TBC1D7: variants seen among roughly 807,000 people sequenced by gnomAD.
TBC1D7 encodes the protein TBC1 domain family member 7, also known as TBC domain family 7.
TBC1D7 carries 33 observed loss-of-function variants against 35.3 expected under a neutral mutation model. That is an observed-to-expected ratio of 0.93 (90% CI 0.71 to 1.25). TBC1D7 has a LOEUF of 1.25. Ranked by LOEUF, TBC1D7 falls within the 50% of genes most tolerant of loss-of-function variation. The probability of loss-of-function intolerance (pLI) is 0.00; values close to 1 mark genes in which losing one functional copy is unlikely to be tolerated. For synonymous variants in TBC1D7, 135 were observed against 129.5 expected, an observed-to-expected ratio of 1.04 and a Z score of -0.29; for missense variants, 362 against 365.3, an observed-to-expected ratio of 0.99 and a Z score of 0.07.
chr6:13,310,375 C>T (rs1026717483), intron 5 of TBC1D7, among the ~76,000 whole-genome samples: 3 of 151,850 alleles, frequency 2.0e-5, no homozygotes, highest in South Asian at 2.1e-4. Context: ...TGGTGGCTCA[C>T]GCCTGTAATC....
chr6:13,310,890 T>C (rs1406105523), intron 5 of TBC1D7, among the ~76,000 whole-genome samples: 1 of 152,154 alleles, frequency 6.6e-6, no homozygotes, highest in East Asian at 1.9e-4. Flanking sequence ...GCCTGACCTT[T>C]TTCATACTTA....
intron 7 of TBC1D7, chr6:13,305,592 C>A: frequency 4.8e-6 from 1 of 208,400 alleles, no homozygotes; most frequent in Non-Finnish European, 9.9e-6. Context: ...TTATTCAACG[C>A]ATATTGACTC....
rs145220135 is a variant in TBC1D7, at chr6:13,324,811, C to T, written c.193+283G>A. Reference sequence around the variant, plus strand: ...CAAAAAATGAGTCCCAGAGGGGTCGCCTTCCTCCAGGTTACCCAGCTGATA... The same window carrying T: ...CAAAAAATGAGTCCCAGAGGGGTCGTCTTCCTCCAGGTTACCCAGCTGATA... On this transcript the variant is annotated intron_variant, in intron 3 of 7. Transcript: ENST00000379300. Among the ~76,000 whole-genome samples the T allele has an allele frequency of 2.0e-3, 300 of 152,296 alleles. 1 individual carries two copies. Among genetic ancestry groups the T allele is most frequent in the Admixed American group, 4.4e-3 (68 of 15,304 alleles).
intron 4 of TBC1D7, chr6:13,320,497 CA>C (rs1331709481): frequency 2.1e-6 from 1 of 473,256 alleles, no homozygotes; most frequent in Non-Finnish European, 3.7e-6. Context: ...TTTAAAACAA[CA>C]AAGCAAAACA....
At position 13,325,224 on chromosome 6, in the gene TBC1D7, T is replaced by C. The variant is rs200130512; in HGVS notation, c.113-50A>G. On this transcript the variant is annotated intron_variant, in intron 2 of 7. Coordinates refer to ENST00000379300, the MANE Select transcript of TBC1D7 (RefSeq NM_016495.6). ...TAGAAGCTTTTCATGCTGATCACAG[T>C]ATGTCAAGGCACATTTCATTTTTTA... 52 of 1,307,442 alleles carry C rather than the reference T, an allele frequency of 4.0e-5. No individual in the cohort carries two copies. In the East Asian group the frequency reaches 9.2e-4, roughly 23 times the overall value. 81.0% of individuals were successfully genotyped at this position (1,307,442 alleles called of 1,614,324 possible).
intron 3 of TBC1D7, 85 bp from the exon 4 acceptor site, chr6:13,321,180 G>A: frequency 5.2e-6 from 6 of 1,160,558 alleles, no homozygotes; most frequent in Non-Finnish European, 3.7e-6. Flanking sequence ...GATGCCGTGA[G>A]AAGCGACCCA....
intron 3 of TBC1D7, among the ~76,000 whole-genome samples, chr6:13,323,215 T>C (rs1020389590): frequency 2.0e-5 from 3 of 151,938 alleles, no homozygotes; most frequent in African/African-American, 4.8e-5. Context: ...TAGCCGGGCG[T>C]GGGGGTGCGC....
chr6:13,310,477 A>C (rs1028718286), intron 5 of TBC1D7, among the ~76,000 whole-genome samples: 5 of 151,370 alleles, frequency 3.3e-5, no homozygotes, highest in African/African-American at 1.2e-4. Context: ...ATCTCTACTA[A>C]AAATACAAAA....
chr6:13,307,652 G>C lies in TBC1D7; in HGVS notation c.613C>G (p.Leu205Val), dbSNP rs769838434. ...CCCGCAAAGCACCTCTTGAACCAGAGATCATAAGGAAGTTTGGGCGCCGCG... is the reference window on the plus strand; with the variant it reads ...CCCGCAAAGCACCTCTTGAACCAGACATCATAAGGAAGTTTGGGCGCCGCG... Reference protein sequence around the residue: ...CSAAPKLPYDLWFKRCFAGCL... With the variant: ...CSAAPKLPYDVWFKRCFAGCL... The change falls in exon 6 of 8, where the codon CTC (leucine) becomes GTC (valine). Residue 205 changes from leucine (L) to valine (V), a missense_variant. Leu to Val is a conservative substitution (Grantham distance 32). Coordinates refer to ENST00000379300, the MANE Select transcript of TBC1D7 (RefSeq NM_016495.6). 2.9e-5 allele frequency: 47 copies of C among 1,614,026 alleles called. No individual in the cohort carries two copies. The highest frequency in any genetic ancestry group is 4.0e-5 in the Non-Finnish European group (47 of 1,180,026).
chr6:13,310,637 C>CAAAAA lies in TBC1D7; in HGVS notation c.520-2897_520-2893dup, dbSNP rs546122443. 5.1e-4 allele frequency among the ~76,000 whole-genome samples: 37 copies of CAAAAA among 72,994 alleles called. 1 individual carries two copies. Among genetic ancestry groups the CAAAAA allele is most frequent in the Middle Eastern group, 8.8e-3 (1 of 114 alleles). The allele number at this position is 72,994 out of a possible 152,430, so 47.9% of individuals were successfully genotyped here. A position where few individuals can be genotyped will look rare whatever the true frequency, so the allele number is the denominator to read the frequency against. On this transcript the variant is annotated intron_variant, in intron 5 of 7. Coordinates refer to ENST00000379300, the MANE Select transcript of TBC1D7 (RefSeq NM_016495.6). ...TGGGTGACAGAGCGAGACTCCGTCT[C>CAAAAA]AAAAAAAAAAAAAAAAGAATATTGT...
chr6:13,326,085 TTTTAC>T (rs1784387037), intron 2 of TBC1D7, among the ~76,000 whole-genome samples: 1 of 152,240 alleles, frequency 6.6e-6, no homozygotes, highest in Non-Finnish European at 1.5e-5. Context: ...GTTCAGTTTA[TTTTAC>T]TTTAGTCAAC....
At chr6:13,310,659 T>C (rs1380664998) in intron 5 of TBC1D7, among the ~76,000 whole-genome samples, 2 of 120,642 alleles carry the variant, frequency 1.7e-5, no homozygotes, top group African/African-American at 3.2e-5. Flanking sequence ...AAAAAGAATA[T>C]TGTTTAAGAA....
At chr6:13,310,760 T>A (rs1484605920) in intron 5 of TBC1D7, among the ~76,000 whole-genome samples, 1 of 151,606 alleles carries the variant, frequency 6.6e-6, no homozygotes, top group African/African-American at 2.4e-5. Flanking sequence ...ACATAGCAAG[T>A]AAAAAGAGCA....
intron 1 of TBC1D7, among the ~76,000 whole-genome samples, chr6:13,327,481 T>A (rs1334342498): frequency 6.6e-6 from 1 of 152,210 alleles, no homozygotes; most frequent in African/African-American, 2.4e-5. Flanking sequence ...AAAAATTAAG[T>A]TATATAAAAG....
At chr6:13,306,640 C>T in intron 6 of TBC1D7, 113 bp from the exon 7 acceptor site, 2 of 826,894 alleles carry the variant, frequency 2.4e-6, no homozygotes, top group Non-Finnish European at 3.6e-6. Flanking sequence ...GTAAAAGCTT[C>T]AAAGAACAAC....
At chr6:13,324,794 G>T (rs759394777) in intron 3 of TBC1D7, among the ~76,000 whole-genome samples, 18 of 152,304 alleles carry the variant, frequency 1.2e-4, no homozygotes, top group African/African-American at 4.1e-4. Flanking sequence ...TGCAAAAAAT[G>T]AGTCCCAGAG....
At chr6:13,328,207 C>T (rs971007625) in intron 1 of TBC1D7, 89 bp downstream of exon 1, 2 of 152,298 alleles carry the variant, frequency 1.3e-5, no homozygotes, top group Admixed American at 6.5e-5. Flanking sequence ...AATAATATCT[C>T]CTGCCCATGC....
chr6:13,317,946 G>T (rs947185776), intron 4 of TBC1D7, among the ~76,000 whole-genome samples: 4 of 152,340 alleles, frequency 2.6e-5, no homozygotes, highest in East Asian at 1.9e-4. Flanking sequence ...TGAGAAGTGG[G>T]GCCTTTAAGA....
At chr6:13,314,542 A>T (rs1783464876) in intron 5 of TBC1D7, among the ~76,000 whole-genome samples, 2 of 152,234 alleles carry the variant, frequency 1.3e-5, no homozygotes, top group African/African-American at 4.8e-5. Flanking sequence ...TCCTGATTTG[A>T]TTAGGCAACT....
Sources: allele counts gnomAD v4.1 joint callset (sites outside exome capture counted in the v4.1 genomes callset), GRCh38; gene constraint gnomAD v4.1.1; transcripts MANE v1.5; gene names NCBI Gene and HGNC (gene_info 2026-07-23, HGNC 2026-07-21).